Variants in CFAP95 observed in about 807,000 individuals in gnomAD.
CFAP95 encodes the protein cilia and flagella associated protein 95.
chr9:69,881,461 A>G, the CFAP95 span, among the ~76,000 whole-genome samples: 2 of 152,308 alleles, frequency 1.3e-5, no homozygotes, highest in East Asian at 3.9e-4. Context: ...TTTCTCAAAA[A>G]TGAATTCACT....
the CFAP95 span, among the ~76,000 whole-genome samples, chr9:69,831,026 A>G: frequency 1.4e-4 from 21 of 152,170 alleles, no homozygotes; most frequent in East Asian, 7.7e-4. Flanking sequence ...AAATACAATT[A>G]TGTTTTAGTT....
chr9:69,899,650 C>G, the CFAP95 span, among the ~76,000 whole-genome samples: 2 of 152,164 alleles, frequency 1.3e-5, no homozygotes, highest in Non-Finnish European at 2.9e-5. Context: ...TTAGAATGAC[C>G]CACTGTGGCT....
At chr9:69,876,456 C>T in the CFAP95 span, among the ~76,000 whole-genome samples, 1 of 151,920 alleles carries the variant, frequency 6.6e-6, no homozygotes, top group East Asian at 2.0e-4. Flanking sequence ...TTGCTTGAAC[C>T]TGGGAGGCAG....
At chr9:69,823,382 A>G in the CFAP95 span, among the ~76,000 whole-genome samples, 1 of 152,172 alleles carries the variant, frequency 6.6e-6, no homozygotes, top group African/African-American at 2.4e-5. Context: ...CACAGAGTCA[A>G]ACCGTATCAG....
the CFAP95 span, among the ~76,000 whole-genome samples, chr9:69,873,414 TTTTGTTTGTTTG>T: frequency 6.6e-6 from 1 of 151,888 alleles, no homozygotes; most frequent in African/African-American, 2.4e-5. Context: ...ACCTAAGTTT[TTTTGTTTGTTTG>T]TTTGTTTGTT....
At chr9:69,900,775 C>T in the CFAP95 span, among the ~76,000 whole-genome samples, 1 of 152,300 alleles carries the variant, frequency 6.6e-6, no homozygotes, top group African/African-American at 2.4e-5. Context: ...TAGTGGTTCC[C>T]TCTGTCTGAC....
the CFAP95 span, among the ~76,000 whole-genome samples, chr9:69,880,992 T>G: frequency 1.4e-4 from 21 of 152,170 alleles, no homozygotes; most frequent in Non-Finnish European, 2.6e-4. Flanking sequence ...CTTTGGCCCA[T>G]TTTTTGATAG....
At chr9:69,894,234 T>C in the CFAP95 span, among the ~76,000 whole-genome samples, 6 of 152,250 alleles carry the variant, frequency 3.9e-5, no homozygotes, top group African/African-American at 1.4e-4. Context: ...GAGTCTCATG[T>C]CATTCTGCCA....
the CFAP95 span, among the ~76,000 whole-genome samples, chr9:69,860,056 C>G: frequency 6.6e-6 from 1 of 152,136 alleles, no homozygotes; most frequent in African/African-American, 2.4e-5. Flanking sequence ...ATGTGAAGGC[C>G]TAGGACATTA....
At chr9:69,837,465 A>C in the CFAP95 span, among the ~76,000 whole-genome samples, 1 of 152,098 alleles carries the variant, frequency 6.6e-6, no homozygotes, top group East Asian at 1.9e-4. Context: ...TTTGATTTGC[A>C]TTTCTCTGAT....
the CFAP95 span, among the ~76,000 whole-genome samples, chr9:69,852,918 G>A: frequency 5.9e-5 from 9 of 152,186 alleles, no homozygotes; most frequent in Non-Finnish European, 1.5e-5. Flanking sequence ...CATGTAAGAT[G>A]TGACTTGCTC....
the CFAP95 span, among the ~76,000 whole-genome samples, chr9:69,902,600 A>T: frequency 6.6e-6 from 1 of 152,070 alleles, no homozygotes; most frequent in Non-Finnish European, 1.5e-5. Context: ...CTTGTCCAGG[A>T]TTCCCACAAT....
the CFAP95 span, among the ~76,000 whole-genome samples, chr9:69,880,871 A>G: frequency 6.6e-6 from 1 of 152,128 alleles, no homozygotes; most frequent in African/African-American, 2.4e-5. Context: ...ATGAGATGAT[A>G]TCTCATTGTA....
At chr9:69,840,797 G>T in the CFAP95 span, among the ~76,000 whole-genome samples, 6 of 151,746 alleles carry the variant, frequency 4.0e-5, no homozygotes, top group Non-Finnish European at 8.8e-5. Context: ...CAGATTTGGG[G>T]CTGTGAATCT....
chr9:69,839,706 G>A, the CFAP95 span, among the ~76,000 whole-genome samples: 10 of 151,634 alleles, frequency 6.6e-5, no homozygotes, highest in African/African-American at 2.4e-4. Context: ...GGATTACAGT[G>A]TGAGCCACCA....
chr9:69,854,080 TGAA>T, the CFAP95 span, among the ~76,000 whole-genome samples: 1 of 152,222 alleles, frequency 6.6e-6, no homozygotes, highest in Non-Finnish European at 1.5e-5. Flanking sequence ...CTATTGATGA[TGAA>T]GAAGGAATGT....
At chr9:69,851,686 A>G in the CFAP95 span, among the ~76,000 whole-genome samples, 7 of 152,164 alleles carry the variant, frequency 4.6e-5, no homozygotes, top group East Asian at 1.4e-3. Context: ...TTATAAATTT[A>G]TTTCTGCTAG....
the CFAP95 span, among the ~76,000 whole-genome samples, chr9:69,864,441 G>A: frequency 6.6e-6 from 1 of 152,088 alleles, no homozygotes; most frequent in Non-Finnish European, 1.5e-5. Context: ...CTACGTGACT[G>A]TGTGCTGCCT....
At chr9:69,866,477 A>G in the CFAP95 span, among the ~76,000 whole-genome samples, 1 of 152,216 alleles carries the variant, frequency 6.6e-6, no homozygotes, top group South Asian at 2.1e-4. Flanking sequence ...AGGAGCTCAG[A>G]TGTCCAAGGT....
Sources: gnomAD v4.1 joint callset for allele counts (sites outside exome capture counted in the v4.1 genomes callset) on GRCh38, gnomAD v4.1.1 for gene constraint, MANE v1.5 for transcripts, NCBI Gene and HGNC (gene_info 2026-07-23, HGNC 2026-07-21) for gene names.